DACH2: variants seen among roughly 807,000 people sequenced by gnomAD.
DACH2 encodes the protein dachshund family transcription factor 2.
Under a neutral mutation model 35.8 loss-of-function variants are expected in DACH2, and 17 were observed. The ratio of observed to expected loss-of-function variants is 0.48; its 90% CI spans 0.33 to 0.71. The LOEUF (loss-of-function observed/expected upper bound fraction) is 0.71, where lower values mean the gene tolerates loss of function less well. Ranked by LOEUF, DACH2 falls within the 30% of genes least tolerant of loss-of-function variation. The pLI is 0.02. For synonymous variants in DACH2, 195 were observed against 177.3 expected, an observed-to-expected ratio of 1.10 and a Z score of -0.79; for missense variants, 469 against 472.7, an observed-to-expected ratio of 0.99 and a Z score of 0.07.
intron 1 of DACH2, among the ~76,000 whole-genome samples, chrX:86,165,155 T>G (rs2030899537): frequency 9.0e-6 from 1 of 111,017 alleles, no homozygotes; most frequent in Non-Finnish European, 1.9e-5. Flanking sequence ...TTCACCTCCC[T>G]GGTTCACTGT....
intron 2 of DACH2, among the ~76,000 whole-genome samples, chrX:86,420,606 C>T (rs1295441915): frequency 9.0e-6 from 1 of 111,460 alleles, no homozygotes; most frequent in East Asian, 2.8e-4. Flanking sequence ...CTTACTTTTA[C>T]GGTATAATTA....
intron 2 of DACH2, among the ~76,000 whole-genome samples, chrX:86,489,547 G>A (rs2038065598): frequency 9.0e-6 from 1 of 110,963 alleles, no homozygotes; most frequent in Admixed American, 9.6e-5. Flanking sequence ...AAAAATATGT[G>A]AAGTAATGCG....
chrX:86,781,573 G>GA (rs1376516224), intron 7 of DACH2, among the ~76,000 whole-genome samples: 3 of 111,318 alleles, frequency 2.7e-5, no homozygotes, highest in Admixed American at 9.6e-5. Context: ...GCCAACTGTA[G>GA]AAACCCCAAA....
chrX:86,483,158 TAA>T (rs1278624900), intron 2 of DACH2, among the ~76,000 whole-genome samples: 1 of 87,827 alleles, frequency 1.1e-5, no homozygotes, highest in African/African-American at 4.0e-5. Context: ...AAAACAAGCA[TAA>T]AAAAAAAAAA....
intron 3 of DACH2, among the ~76,000 whole-genome samples, chrX:86,564,612 C>A (rs1360928429): frequency 1.8e-5 from 2 of 111,210 alleles, no homozygotes; most frequent in African/African-American, 6.5e-5. Flanking sequence ...TTAGCTTTGT[C>A]CTGTGGCCAC....
chrX:86,677,641 G>A (rs1002169465), intron 4 of DACH2, among the ~76,000 whole-genome samples: 6 of 112,108 alleles, frequency 5.4e-5, no homozygotes, highest in Admixed American at 3.8e-4. Flanking sequence ...GACTGTGTGA[G>A]AAACAACTTT....
chrX:86,232,370 C>T (rs988559558), intron 1 of DACH2, among the ~76,000 whole-genome samples: 1 of 111,764 alleles, frequency 8.9e-6, no homozygotes, highest in Non-Finnish European at 1.9e-5. Context: ...AATTAAAAAA[C>T]TTCTGCACAG....
At chrX:86,349,596 C>T (rs919888899) in intron 1 of DACH2, among the ~76,000 whole-genome samples, 1 of 112,002 alleles carries the variant, frequency 8.9e-6, no homozygotes, top group Non-Finnish European at 1.9e-5. Flanking sequence ...AAACACAGCT[C>T]GAGTTTAGTC....
chrX:86,265,218 G>T (rs2033691362), intron 1 of DACH2, among the ~76,000 whole-genome samples: 1 of 111,653 alleles, frequency 9.0e-6, no homozygotes, highest in Non-Finnish European at 1.9e-5. Flanking sequence ...CGGGACAGAT[G>T]AGTGGCAAAA....
Position 86,356,537 on chromosome X carries a change from A to G in DACH2, c.489-20287A>G, listed in dbSNP as rs974897305. Among the ~76,000 whole-genome samples, 15 of 109,624 alleles carry G rather than the reference A, an allele frequency of 1.4e-4. No individual in the cohort carries two copies. In the East Asian group the frequency reaches 1.6e-3, roughly 12 times the overall value. ...TTGGGCTTGTTTTGGGTTCCATGCGAATTTTAGAAGAATTGTTTCTAATTC... is the reference window on the plus strand; with the variant it reads ...TTGGGCTTGTTTTGGGTTCCATGCGGATTTTAGAAGAATTGTTTCTAATTC... On this transcript the variant is annotated intron_variant, in intron 1 of 11. Coordinates refer to ENST00000373125, the MANE Select transcript of DACH2 (RefSeq NM_053281.3).
intron 1 of DACH2, among the ~76,000 whole-genome samples, chrX:86,362,577 A>G (rs1301192600): frequency 9.0e-6 from 1 of 111,412 alleles, no homozygotes; most frequent in East Asian, 2.8e-4. Context: ...AACTTGGGGG[A>G]ATTTGTTTGG....
chrX:86,603,172 T>C (rs2039812553), intron 3 of DACH2, among the ~76,000 whole-genome samples: 2 of 110,960 alleles, frequency 1.8e-5, no homozygotes, highest in Admixed American at 1.9e-4. Flanking sequence ...TTTCATATTG[T>C]TTTTCCTCTA....
At chrX:86,211,590 G>T (rs2032446995) in intron 1 of DACH2, among the ~76,000 whole-genome samples, 1 of 111,215 alleles carries the variant, frequency 9.0e-6, no homozygotes, top group Non-Finnish European at 1.9e-5. Flanking sequence ...AGAAAAGGAG[G>T]TCAAAAGAAG....
chrX:86,622,056 A>G (rs1191519767), intron 3 of DACH2, among the ~76,000 whole-genome samples: 2 of 111,574 alleles, frequency 1.8e-5, no homozygotes, highest in Non-Finnish European at 3.8e-5. Flanking sequence ...AATGAAAAAA[A>G]CTTGTTTACA....
intron 1 of DACH2, among the ~76,000 whole-genome samples, chrX:86,203,762 A>G (rs2032213953): frequency 8.9e-6 from 1 of 111,864 alleles, no homozygotes; most frequent in African/African-American, 3.2e-5. Flanking sequence ...GGCTCCTCAG[A>G]TTACTCTTCA....
At chrX:86,186,485 T>G (rs1260037709) in intron 1 of DACH2, among the ~76,000 whole-genome samples, 1 of 112,312 alleles carries the variant, frequency 8.9e-6, no homozygotes, top group Admixed American at 9.4e-5. Flanking sequence ...TCATTGAGCC[T>G]ACCATTGTTC....
rs771117406 is a variant in DACH2 at position 86,623,939 on chromosome X, A to T, written c.641-27097A>T. ...GGCGCGTGCCTGTAGTCCCAGCTAC[A>T]CAGGAGGCTGAGGCAGGAGAATGGC... On this transcript the variant is annotated intron_variant, in intron 3 of 11. Transcript: ENST00000373125. Among the ~76,000 whole-genome samples the T allele has an allele frequency of 5.0e-5, 5 of 100,484 alleles. 1 individual carries two copies. The highest frequency in any genetic ancestry group is 6.8e-4 in the East Asian group (2 of 2,961). 87.3% of individuals were successfully genotyped at this position (100,484 alleles called of 115,157 possible). A position where few individuals can be genotyped will look rare whatever the true frequency, so the allele number is the denominator to read the frequency against.
chrX:86,780,330 T>G lies in DACH2; in HGVS notation c.1241-32526T>G, dbSNP rs1248951695. Among the ~76,000 whole-genome samples, 2 of 111,332 alleles carry G rather than the reference T, an allele frequency of 1.8e-5. 1 individual carries two copies. Among genetic ancestry groups the G allele is most frequent in the African/African-American group, 6.5e-5 (2 of 30,590 alleles). On this transcript the variant is annotated intron_variant, in intron 7 of 11. Transcript: ENST00000373125. ...AACCACACTAGTTCCCCAGAAATAG[T>G]TTTAGACCAGGCTGAAATGGCTGAA...
intron 2 of DACH2, among the ~76,000 whole-genome samples, chrX:86,445,600 T>C (rs917014507): frequency 4.4e-5 from 4 of 91,616 alleles, no homozygotes; most frequent in Non-Finnish European, 8.5e-5. Flanking sequence ...TAAAATGTCA[T>C]CAAATTTCTT....
Sources: gnomAD v4.1 joint callset for allele counts (sites outside exome capture counted in the v4.1 genomes callset) on GRCh38, gnomAD v4.1.1 for gene constraint, MANE v1.5 for transcripts, NCBI Gene and HGNC (gene_info 2026-07-23, HGNC 2026-07-21) for gene names.